The following MFSD6 variants were observed in gnomAD, a reference collection of about 807,000 sequenced individuals.
The protein encoded by MFSD6 is major facilitator superfamily domain containing 6.
In MFSD6, 26 loss-of-function variants were observed where a neutral mutation model predicts 56.3. The observed-to-expected ratio is 0.46, with a 90% CI of 0.34 to 0.64. The LOEUF is 0.64. Ranked by LOEUF, MFSD6 falls within the 30% of genes least tolerant of loss-of-function variation. The probability of loss-of-function intolerance (pLI) is 0.01; values close to 1 mark genes in which losing one functional copy is unlikely to be tolerated. For synonymous variants in MFSD6, 331 were observed against 366.9 expected, an observed-to-expected ratio of 0.90 and a Z score of 1.12; for missense variants, 750 against 986.2, an observed-to-expected ratio of 0.76 and a Z score of 3.21.
chr2:190,467,233 G>A lies in MFSD6; in HGVS notation c.1533-2525G>A, dbSNP rs1242298881. Among the ~76,000 whole-genome samples the A allele has an allele frequency of 6.6e-6, 1 of 152,248 alleles. No homozygotes were observed. The highest frequency in any genetic ancestry group is 1.5e-5 in the Non-Finnish European group (1 of 68,052). ...CCTGGGGAACTTTCAAAATGCCTGGGTTTCAACCATAGAGATCTTTATTGA... is the reference window on the plus strand; with the variant it reads ...CCTGGGGAACTTTCAAAATGCCTGGATTTCAACCATAGAGATCTTTATTGA... On this transcript the variant is annotated intron_variant, in intron 3 of 7. Coordinates refer to ENST00000392328, the MANE Select transcript of MFSD6 (RefSeq NM_017694.4). This position sits in a 1 kb window ranked among gnomAD's most constrained non-coding sequence, Gnocchi z 5.5.
rs539436895 is a variant in MFSD6, at chr2:190,424,655, T to C, written c.-54+9242T>C. On this transcript the variant is annotated intron_variant, in intron 2 of 7. Coordinates refer to ENST00000392328, the MANE Select transcript of MFSD6 (RefSeq NM_017694.4). This position sits in a 1 kb window ranked among gnomAD's most constrained non-coding sequence, Gnocchi z 5.9. The stretch of plus-strand genomic sequence containing the variant: ...GGCCGAGTTTCATTATTTTTGCCCA[T>C]GGATGTCTAATTACCTCAGCACCAT... 8.0e-4 allele frequency among the ~76,000 whole-genome samples: 122 copies of C among 152,294 alleles called. No individual in the cohort carries two copies. Among genetic ancestry groups the C allele is most frequent in the African/African-American group, 2.9e-3 (120 of 41,564 alleles).
rs1234228329 is a variant in MFSD6, at chr2:190,423,823, A to AAC, written c.-54+8411_-54+8412dup. On this transcript the variant is annotated intron_variant, in intron 2 of 7. Transcript: ENST00000392328. This position sits in a 1 kb window ranked among gnomAD's most constrained non-coding sequence, Gnocchi z 4.3. ...TCAGTGTTATCCCTATTTTTATTTT[A>AAC]ACCATTCTTATAGACGTGTAGTGAT... Among the ~76,000 whole-genome samples the AAC allele has an allele frequency of 2.6e-5, 4 of 152,282 alleles. No individual in the cohort carries two copies. The East Asian group carries it at 5.8e-4, about 22-fold the overall frequency.
chr2:190,491,789 A>G lies in MFSD6; in HGVS notation c.1891+1923A>G, dbSNP rs1277724224. On this transcript the variant is annotated intron_variant, in intron 6 of 7. Coordinates refer to ENST00000392328, the MANE Select transcript of MFSD6 (RefSeq NM_017694.4). The surrounding 1 kb of genome is among the most constrained non-coding windows in gnomAD (Gnocchi z 4.2). ...CAACAAAATCACACTAGCACCAGCA[A>G]TAGATCCAAACCAAGAAGAAATCTC... 6.6e-6 allele frequency among the ~76,000 whole-genome samples: 1 copy of G among 152,212 alleles called. No homozygotes were observed. Among genetic ancestry groups the G allele is most frequent in the East Asian group, 1.9e-4 (1 of 5,198 alleles).
chr2:190,421,525 T>C (rs536120959), intron 2 of MFSD6, among the ~76,000 whole-genome samples: 32 of 152,314 alleles, frequency 2.1e-4, no homozygotes, highest in South Asian at 1.5e-3. Context: ...AACAGACTTC[T>C]GTGCTCTTTT....
At position 190,487,300 on chromosome 2, in the gene MFSD6, C is replaced by A. The variant is rs936537713; in HGVS notation, c.1631-1357C>A. On this transcript the variant is annotated intron_variant, in intron 4 of 7. Transcript: ENST00000392328. The surrounding 1 kb of genome is among the most constrained non-coding windows in gnomAD (Gnocchi z 5.5). ...AGGTTGCAGTGAGCTGAGGTCGTGC[C>A]ACTGCACTCCAGCCTGGTGACAGAG... is the stretch of plus-strand genomic sequence containing the variant. Among the ~76,000 whole-genome samples the A allele has an allele frequency of 6.6e-6, 1 of 152,194 alleles. No homozygotes were observed. Among genetic ancestry groups the A allele is most frequent in the Non-Finnish European group, 1.5e-5 (1 of 68,030 alleles).
intron 4 of MFSD6, among the ~76,000 whole-genome samples, chr2:190,470,620 C>T (rs1222044751): frequency 6.6e-6 from 1 of 152,166 alleles, no homozygotes; most frequent in South Asian, 2.1e-4. Context: ...TTGCACTAAA[C>T]AGTCTGTGAT....
Position 190,465,401 on chromosome 2 carries a change from A to G in MFSD6, c.1533-4357A>G, listed in dbSNP as rs1417342387. On this transcript the variant is annotated intron_variant, in intron 3 of 7. Coordinates refer to ENST00000392328, the MANE Select transcript of MFSD6 (RefSeq NM_017694.4). The surrounding 1 kb of genome is among the most constrained non-coding windows in gnomAD (Gnocchi z 4.6). ...AGTTTTATCATTATAGGTGTTCAGT[A>G]GGTATCTATATCTCGTGGAGAGACT... Among the ~76,000 whole-genome samples, 1 of 151,784 alleles carries G rather than the reference A, an allele frequency of 6.6e-6. No homozygotes were observed. Among genetic ancestry groups the G allele is most frequent in the African/African-American group, 2.4e-5 (1 of 41,396 alleles).
At chr2:190,452,677 A>G (rs908790923) in intron 3 of MFSD6, among the ~76,000 whole-genome samples, 3 of 152,158 alleles carry the variant, frequency 2.0e-5, no homozygotes, top group Non-Finnish European at 2.9e-5. Context: ...TGAATGACTA[A>G]TGCCTGGTAT....
rs941245158 is a variant in MFSD6, at chr2:190,425,938, T to G, written c.-53-10039T>G. Among the ~76,000 whole-genome samples the G allele has an allele frequency of 6.6e-6, 1 of 152,178 alleles. No homozygotes were observed. The highest frequency in any genetic ancestry group is 1.5e-5 in the Non-Finnish European group (1 of 68,026). On this transcript the variant is annotated intron_variant, in intron 2 of 7. Coordinates refer to ENST00000392328, the MANE Select transcript of MFSD6 (RefSeq NM_017694.4). This position sits in a 1 kb window ranked among gnomAD's most constrained non-coding sequence, Gnocchi z 4.3. Reference sequence around the variant, plus strand: ...CAGAAATCTGCTATCATTTCAATTGTTTTTCTCCCATTGGTAAGTTGTTTC... The same window carrying G: ...CAGAAATCTGCTATCATTTCAATTGGTTTTCTCCCATTGGTAAGTTGTTTC...
rs1687048866 is a variant in MFSD6, at chr2:190,456,546, G to A, written c.1533-13212G>A. 6.6e-6 allele frequency among the ~76,000 whole-genome samples: 1 copy of A among 152,162 alleles called. No homozygotes were observed. Among genetic ancestry groups the A allele is most frequent in the South Asian group, 2.1e-4 (1 of 4,830 alleles). Reference sequence around the variant, plus strand: ...CCCTGGCTGCTCTAGGAACCTGCAGGGCTGATGGCATGGCCTAAGCCCAAG... The same window carrying A: ...CCCTGGCTGCTCTAGGAACCTGCAGAGCTGATGGCATGGCCTAAGCCCAAG... On this transcript the variant is annotated intron_variant, in intron 3 of 7. Coordinates refer to ENST00000392328, the MANE Select transcript of MFSD6 (RefSeq NM_017694.4). This position sits in a 1 kb window ranked among gnomAD's most constrained non-coding sequence, Gnocchi z 5.4.
At position 190,488,623 on chromosome 2, in the gene MFSD6, C is replaced by T; in HGVS notation, c.1631-34C>T. 2 of 1,413,096 alleles carry T rather than the reference C, an allele frequency of 1.4e-6. No homozygotes were observed. The highest frequency in any genetic ancestry group is 1.9e-6 in the Non-Finnish European group (2 of 1,074,556). 87.5% of individuals were successfully genotyped at this position (1,413,096 alleles called of 1,614,324 possible). A position where few individuals can be genotyped will look rare whatever the true frequency, so the allele number is the denominator to read the frequency against. ...AACAGAGTAGCCTAAGAAATGCTAA[C>T]CAACTAATCCCTCCTGCTCTTCTTC... On this transcript the variant is annotated intron_variant, in intron 4 of 7. Transcript: ENST00000392328. The surrounding 1 kb of genome is among the most constrained non-coding windows in gnomAD (Gnocchi z 6.4).
At position 190,434,022 on chromosome 2, in the gene MFSD6, T is replaced by C. The variant is rs554905535; in HGVS notation, c.-53-1955T>C. 1.3e-5 allele frequency among the ~76,000 whole-genome samples: 2 copies of C among 151,770 alleles called. No homozygotes were observed. Among genetic ancestry groups the C allele is most frequent in the South Asian group, 4.2e-4 (2 of 4,802 alleles). ...CCTGGGCAACATGGCAAAAACCCCATCTCTACAAAAATTAGTTGGGCATGG... is the reference window on the plus strand; with the variant it reads ...CCTGGGCAACATGGCAAAAACCCCACCTCTACAAAAATTAGTTGGGCATGG... On this transcript the variant is annotated intron_variant, in intron 2 of 7. Transcript: ENST00000392328. This position sits in a 1 kb window ranked among gnomAD's most constrained non-coding sequence, Gnocchi z 4.3.
At position 190,433,111 on chromosome 2, in the gene MFSD6, AGTGT is replaced by A. The variant is rs1277699043; in HGVS notation, c.-53-2859_-53-2856del. 6.6e-6 allele frequency among the ~76,000 whole-genome samples: 1 copy of A among 151,810 alleles called. No homozygotes were observed. The highest frequency in any genetic ancestry group is 1.5e-5 in the Non-Finnish European group (1 of 67,958). On this transcript the variant is annotated intron_variant, in intron 2 of 7. Transcript: ENST00000392328. This position sits in a 1 kb window ranked among gnomAD's most constrained non-coding sequence, Gnocchi z 4.5. ...TTCTAGCTTGAATTATGACTTTTACAGTGTGTGTGTATGTTTGGGTGTGTGTGTG... is the reference window on the plus strand; with the variant it reads ...TTCTAGCTTGAATTATGACTTTTACAGTGTGTATGTTTGGGTGTGTGTGTG...
At chr2:190,445,431 CCT>C (rs1479710003) in intron 3 of MFSD6, among the ~76,000 whole-genome samples, 1 of 143,006 alleles carries the variant, frequency 7.0e-6, no homozygotes, top group African/African-American at 2.6e-5. Flanking sequence ...TTCCAGAGTA[CCT>C]CTCTTTTTAA....
Position 190,453,332 on chromosome 2 carries a change from A to G in MFSD6, c.1532+15771A>G, listed in dbSNP as rs113626519. Among the ~76,000 whole-genome samples, 837 of 152,120 alleles carry G rather than the reference A, an allele frequency of 5.5e-3. 9 individuals carry two copies. The highest frequency in any genetic ancestry group is 0.02 in the African/African-American group (809 of 41,482). On this transcript the variant is annotated intron_variant, in intron 3 of 7. Transcript: ENST00000392328. ...GGATCCTGGAGTTTGGAACTTGTGG[A>G]ATTTCTATGAGATGGGGAGGATGCC...
At chr2:190,482,938 G>A (rs1434371263) in intron 4 of MFSD6, among the ~76,000 whole-genome samples, 1 of 126,162 alleles carries the variant, frequency 7.9e-6, no homozygotes, top group Admixed American at 9.4e-5. Context: ...AGGCCGGACT[G>A]CGGACTGCAG....
chr2:190,411,655 G>T lies in MFSD6; in HGVS notation c.-176+3152G>T, dbSNP rs1690571864. The T allele has an allele frequency of 6.1e-6, 6 of 981,612 alleles. No homozygotes were observed. The South Asian group carries it at 2.8e-4, about 46-fold the overall frequency. 60.8% of individuals were successfully genotyped at this position (981,612 alleles called of 1,614,324 possible). A position where few individuals can be genotyped will look rare whatever the true frequency, so the allele number is the denominator to read the frequency against. Reference sequence around the variant, plus strand: ...TAACAATCCAAAGTAAGATAAAATTGAATGTGCCTAAACTCTAATGTTAGG... The same window carrying T: ...TAACAATCCAAAGTAAGATAAAATTTAATGTGCCTAAACTCTAATGTTAGG... On this transcript the variant is annotated intron_variant, in intron 1 of 7. Transcript: ENST00000392328.
rs997740881 is a variant in MFSD6, at chr2:190,457,957, T to C, written c.1533-11801T>C. On this transcript the variant is annotated intron_variant, in intron 3 of 7. Coordinates refer to ENST00000392328, the MANE Select transcript of MFSD6 (RefSeq NM_017694.4). The surrounding 1 kb of genome is among the most constrained non-coding windows in gnomAD (Gnocchi z 5.1). ...GCAAATAGCAATTCATGAAATAAAG[T>C]AAATGAGTAAATATGGTCAGATTAG... is the stretch of plus-strand genomic sequence containing the variant. Among the ~76,000 whole-genome samples the C allele has an allele frequency of 6.6e-6, 1 of 152,190 alleles. No homozygotes were observed. The highest frequency in any genetic ancestry group is 1.5e-5 in the Non-Finnish European group (1 of 68,030).
intron 3 of MFSD6, among the ~76,000 whole-genome samples, chr2:190,444,051 T>C (rs937639233): frequency 2.1e-4 from 32 of 152,164 alleles, no homozygotes; most frequent in Admixed American, 8.5e-4. Flanking sequence ...CAAGACCCTG[T>C]TTCAAAAAAG....
Sources: gnomAD v4.1 joint callset for allele counts (sites outside exome capture counted in the v4.1 genomes callset) on GRCh38, gnomAD v4.1.1 for gene constraint, Gnocchi (gnomAD v3.1) non-coding constraint, MANE v1.5 for transcripts, NCBI Gene and HGNC (gene_info 2026-07-23, HGNC 2026-07-21) for gene names.